Variants in CNTNAP2 observed in about 807,000 individuals in gnomAD.
The protein encoded by CNTNAP2 is contactin-associated protein-like 2.
CNTNAP2 carries 98 observed loss-of-function variants against 155.2 expected under a neutral mutation model. That is an observed-to-expected ratio of 0.63 (90% CI 0.54 to 0.75). The LOEUF is 0.75. Ranked by LOEUF, CNTNAP2 falls within the 30% of genes least tolerant of loss-of-function variation. The probability of loss-of-function intolerance (pLI) is 0.00; values close to 1 mark genes in which losing one functional copy is unlikely to be tolerated. For missense variants in CNTNAP2, 1,727 were observed against 1,688.1 expected, an observed-to-expected ratio of 1.02 and a Z score of -0.40; for synonymous variants, 651 against 631.2, an observed-to-expected ratio of 1.03 and a Z score of -0.47.
At chr7:147,580,649 T>A (rs5003023) in intron 12 of CNTNAP2, among the ~76,000 whole-genome samples, 103,842 of 150,468 alleles carry the variant, frequency 0.69, 36,426 homozygotes, top group African/African-American at 0.81. Context: ...GGAATCTTGC[T>A]CTGTTGCCCA....
At chr7:147,083,660 T>G (rs13312156) in intron 4 of CNTNAP2, among the ~76,000 whole-genome samples, 1 of 143,994 alleles carries the variant, frequency 6.9e-6, no homozygotes, top group East Asian at 2.0e-4. Context: ...ATGCTATATA[T>G]ACATATATAA....
intron 20 of CNTNAP2, among the ~76,000 whole-genome samples, chr7:148,254,409 C>T (rs1796424802): frequency 6.6e-6 from 1 of 152,134 alleles, no homozygotes; most frequent in African/African-American, 2.4e-5. Flanking sequence ...TAAGAAAAGC[C>T]TCAATCATAT....
intron 3 of CNTNAP2, among the ~76,000 whole-genome samples, chr7:146,917,865 A>C (rs1173556868): frequency 6.6e-6 from 1 of 152,138 alleles, no homozygotes; most frequent in East Asian, 1.9e-4. Context: ...TGTAACTGTT[A>C]GTCAATTAAA....
chr7:146,925,661 A>G (rs563439915), intron 3 of CNTNAP2, among the ~76,000 whole-genome samples: 2 of 152,276 alleles, frequency 1.3e-5, no homozygotes, highest in East Asian at 3.9e-4. Context: ...CTGGTCTCAG[A>G]GCAAATAACA....
At chr7:147,879,480 G>A (rs867962446) in intron 13 of CNTNAP2, among the ~76,000 whole-genome samples, 65 of 151,018 alleles carry the variant, frequency 4.3e-4, no homozygotes, top group African/African-American at 1.5e-3. Flanking sequence ...TTTTTAATGC[G>A]TGCTCTTCCA....
intron 13 of CNTNAP2, among the ~76,000 whole-genome samples, chr7:147,681,795 A>AAGAGAG (rs150632064): frequency 6.7e-6 from 1 of 149,932 alleles, no homozygotes; most frequent in Non-Finnish European, 1.5e-5. Context: ...AGTATTTTGC[A>AAGAGAG]AGAGAGAGAG....
At chr7:146,810,626 GT>G (rs57123058) in intron 2 of CNTNAP2, among the ~76,000 whole-genome samples, 27,797 of 147,876 alleles carry the variant, frequency 0.19, 8,087 homozygotes, top group African/African-American at 0.62. Context: ...CTTTCTATCT[GT>G]TTTTTTTTTA....
At chr7:148,090,394 T>C (rs1033123872) in intron 15 of CNTNAP2, among the ~76,000 whole-genome samples, 3 of 152,068 alleles carry the variant, frequency 2.0e-5, no homozygotes, top group Non-Finnish European at 4.4e-5. Context: ...TATAAGGAAT[T>C]CAAATAATTC....
chr7:148,089,617 A>C (rs1803799423), intron 15 of CNTNAP2, among the ~76,000 whole-genome samples: 1 of 151,906 alleles, frequency 6.6e-6, no homozygotes, highest in Non-Finnish European at 1.5e-5. Flanking sequence ...TGAAATTTAT[A>C]AAACATTGAG....
At chr7:146,982,740 A>G (rs1798042078) in intron 3 of CNTNAP2, among the ~76,000 whole-genome samples, 1 of 152,136 alleles carries the variant, frequency 6.6e-6, no homozygotes, top group Non-Finnish European at 1.5e-5. Flanking sequence ...TTCCAGTATC[A>G]CAGATGACAG....
At chr7:148,205,997 A>G (rs1305174000) in intron 18 of CNTNAP2, among the ~76,000 whole-genome samples, 1 of 151,976 alleles carries the variant, frequency 6.6e-6, no homozygotes, top group African/African-American at 2.4e-5. Context: ...CTACATGAAA[A>G]AAATATATAT....
chr7:147,908,567 A>G (rs1204529374), intron 14 of CNTNAP2, among the ~76,000 whole-genome samples: 1 of 152,216 alleles, frequency 6.6e-6, no homozygotes, highest in African/African-American at 2.4e-5. Flanking sequence ...AACTAGGAGA[A>G]GTGAGGAACA....
chr7:148,144,540 T>A (rs1028858921), intron 16 of CNTNAP2, among the ~76,000 whole-genome samples: 1 of 152,170 alleles, frequency 6.6e-6, no homozygotes, highest in Non-Finnish European at 1.5e-5. Context: ...GTGGCCATGT[T>A]AAACTATGGT....
chr7:147,877,719 T>C (rs1799446300), intron 13 of CNTNAP2, among the ~76,000 whole-genome samples: 1 of 151,232 alleles, frequency 6.6e-6, no homozygotes, highest in Admixed American at 6.5e-5. Flanking sequence ...AGCTGGGTTG[T>C]GTCTGGTTTT....
At chr7:147,893,273 T>A (rs1713314129) in intron 13 of CNTNAP2, among the ~76,000 whole-genome samples, 1 of 152,198 alleles carries the variant, frequency 6.6e-6, no homozygotes, top group Non-Finnish European at 1.5e-5. Context: ...AAGACAGGAA[T>A]TTTTGACTCC....
intron 1 of CNTNAP2, among the ~76,000 whole-genome samples, chr7:146,398,184 C>CTTTTTTTTTTTTTTTTTTT (rs34144986): frequency 9.3e-6 from 1 of 107,052 alleles, no homozygotes; most frequent in African/African-American, 4.1e-5. Context: ...CGGCCCCAAA[C>CTTTTTTTTTTTTTTTTTTT]TTTTTTTTTT....
intron 9 of CNTNAP2, among the ~76,000 whole-genome samples, chr7:147,327,703 C>A (rs1047428933): frequency 6.6e-6 from 1 of 152,218 alleles, no homozygotes; most frequent in East Asian, 1.9e-4. Flanking sequence ...AAGAGACTTA[C>A]ATATAGTTGA....
chr7:146,984,416 G>C (rs1432117724), intron 3 of CNTNAP2, among the ~76,000 whole-genome samples: 1 of 147,364 alleles, frequency 6.8e-6, no homozygotes, highest in African/African-American at 2.5e-5. Context: ...TCCCTCCGTT[G>C]CTTTTGCCTG....
intron 1 of CNTNAP2, among the ~76,000 whole-genome samples, chr7:146,130,875 G>A (rs1797703466): frequency 6.6e-6 from 1 of 152,088 alleles, no homozygotes; most frequent in Admixed American, 6.6e-5. Flanking sequence ...CCACACTTAG[G>A]AAACAACCAG....
Sources: gnomAD v4.1 joint callset for allele counts (sites outside exome capture counted in the v4.1 genomes callset) on GRCh38, gnomAD v4.1.1 for gene constraint, MANE v1.5 for transcripts, NCBI Gene and HGNC (gene_info 2026-07-23, HGNC 2026-07-21) for gene names.